PLD5: variants seen among roughly 807,000 people sequenced by gnomAD.
PLD5 encodes phospholipase D family member 5, also known as inactive phospholipase D5.
A neutral mutation model predicts 61.1 loss-of-function variants in PLD5; 36 were observed. That is an observed-to-expected ratio of 0.59 (90% CI 0.45 to 0.78). The LOEUF is 0.78. PLD5 is among the 30% of genes least tolerant of loss of function. The pLI is 0.00. For missense variants in PLD5, 515 were observed against 644.4 expected (o/e 0.80, Z 2.17); for synonymous variants, 243 against 242.8 (o/e 1.00, Z -0.01).
At chr1:242,439,435 A>C (rs1243929338) in intron 1 of PLD5, among the ~76,000 whole-genome samples, 1 of 152,218 alleles carries the variant, frequency 6.6e-6, no homozygotes, top group Non-Finnish European at 1.5e-5. Context: ...GAAGGAGCCC[A>C]CATCACTTCT....
intron 6 of PLD5, among the ~76,000 whole-genome samples, chr1:242,122,721 A>C (rs1662480593): frequency 1.3e-5 from 2 of 152,204 alleles, no homozygotes; most frequent in African/African-American, 4.8e-5. Context: ...CCAGCTGATG[A>C]ACATCCTTCA....
chr1:242,397,691 T>C (rs1663673627), intron 1 of PLD5, among the ~76,000 whole-genome samples: 1 of 152,168 alleles, frequency 6.6e-6, no homozygotes. Context: ...CTAGTTACTT[T>C]AAGACTATTC....
chr1:242,102,621 C>G (rs1390421615), intron 8 of PLD5, among the ~76,000 whole-genome samples: 2 of 152,158 alleles, frequency 1.3e-5, no homozygotes, highest in African/African-American at 4.8e-5. Context: ...GACAGAGATT[C>G]CCTACCTAGT....
At chr1:242,091,524 A>G (rs1280297220) in intron 9 of PLD5, among the ~76,000 whole-genome samples, 1 of 152,258 alleles carries the variant, frequency 6.6e-6, no homozygotes, top group Non-Finnish European at 1.5e-5. Context: ...ACAGTCCTAC[A>G]GCAGTGGAAA....
At chr1:242,214,459 C>T (rs965432452) in intron 5 of PLD5, among the ~76,000 whole-genome samples, 1 of 152,190 alleles carries the variant, frequency 6.6e-6, no homozygotes, top group Admixed American at 6.5e-5. Context: ...GATCAACGTA[C>T]ACATCCTGTT....
rs2149251972 is a variant in PLD5 at position 242,377,165 on chromosome 1, GT to G, written c.190-28924del. 4 of 1,611,730 alleles carry G rather than the reference GT, an allele frequency of 2.5e-6. No individual in the cohort carries two copies. The East Asian group carries it at 8.9e-5, about 36-fold the overall frequency. On this transcript the variant is annotated intron_variant, in intron 1 of 9. Coordinates refer to ENST00000536534, the MANE Select transcript of PLD5 (RefSeq NM_001372062.1). ...CCTTTAACTTGTGTACGATGAAGAG[GT>G]GTCTGGAGAGAGAGACGTGAGACGT...
intron 3 of PLD5, among the ~76,000 whole-genome samples, chr1:242,285,684 T>C (rs536405106): frequency 6.6e-5 from 10 of 151,620 alleles, no homozygotes; most frequent in Admixed American, 3.9e-4. Context: ...AAATAGAACA[T>C]GGAAAATACA....
chr1:242,374,774 T>C (rs773611248), intron 1 of PLD5, among the ~76,000 whole-genome samples: 1 of 152,222 alleles, frequency 6.6e-6, no homozygotes, highest in Admixed American at 6.5e-5. Flanking sequence ...ACCCTTTTTG[T>C]CTAATTATAT....
chr1:242,215,012 G>A (rs560811527), intron 5 of PLD5, among the ~76,000 whole-genome samples: 6 of 150,306 alleles, frequency 4.0e-5, no homozygotes, highest in Non-Finnish European at 7.4e-5. Flanking sequence ...GAGTAGCTGG[G>A]ACTACTTGTG....
At chr1:242,470,721 T>C (rs1381386846) in intron 1 of PLD5, among the ~76,000 whole-genome samples, 1 of 152,224 alleles carries the variant, frequency 6.6e-6, no homozygotes, top group East Asian at 1.9e-4. Context: ...AGCTTCGGTA[T>C]GGATAAAACT....
At chr1:242,264,774 G>A (rs1362865228) in intron 4 of PLD5, among the ~76,000 whole-genome samples, 4 of 151,936 alleles carry the variant, frequency 2.6e-5, no homozygotes, top group Admixed American at 6.6e-5. Context: ...AGCTCAATTC[G>A]GTTGACATTA....
intron 5 of PLD5, among the ~76,000 whole-genome samples, chr1:242,198,194 C>T (rs1049621334): frequency 2.6e-5 from 4 of 152,124 alleles, no homozygotes; most frequent in African/African-American, 7.2e-5. Context: ...TAGAGATGTT[C>T]CCTGCGGAAA....
At chr1:242,279,627 G>A (rs533982984) in intron 3 of PLD5, among the ~76,000 whole-genome samples, 3 of 151,966 alleles carry the variant, frequency 2.0e-5, no homozygotes, top group East Asian at 1.9e-4. Flanking sequence ...TCTGCCTCCC[G>A]GGTTCAAGCG....
At chr1:242,440,007 G>C (rs1389513689) in intron 1 of PLD5, among the ~76,000 whole-genome samples, 1 of 152,138 alleles carries the variant, frequency 6.6e-6, no homozygotes, top group Non-Finnish European at 1.5e-5. Context: ...AGTGTTGGGT[G>C]TTCTTGTATA....
At chr1:242,503,565 T>C (rs990103237) in intron 1 of PLD5, among the ~76,000 whole-genome samples, 1 of 152,176 alleles carries the variant, frequency 6.6e-6, no homozygotes, top group African/African-American at 2.4e-5. Flanking sequence ...CCAATTTTGA[T>C]AAGTTATAAG....
intron 1 of PLD5, among the ~76,000 whole-genome samples, chr1:242,468,820 T>C (rs150352778): frequency 6.6e-6 from 1 of 152,136 alleles, no homozygotes; most frequent in Admixed American, 6.6e-5. Flanking sequence ...CTTCCATAAT[T>C]CTTACTATGC....
chr1:242,306,414 A>T (rs1676350164), intron 2 of PLD5, among the ~76,000 whole-genome samples: 1 of 152,128 alleles, frequency 6.6e-6, no homozygotes, highest in South Asian at 2.1e-4. Flanking sequence ...TACTAAGCTT[A>T]TGATCAAGGA....
chr1:242,176,979 A>AGTGT (rs1667189791), intron 5 of PLD5, among the ~76,000 whole-genome samples: 1 of 152,182 alleles, frequency 6.6e-6, no homozygotes, highest in Non-Finnish European at 1.5e-5. Context: ...TGTTGGTGGG[A>AGTGT]GTGTAAATTA....
chr1:242,181,426 G>A (rs778128940), intron 5 of PLD5, among the ~76,000 whole-genome samples: 18 of 151,988 alleles, frequency 1.2e-4, no homozygotes, highest in Admixed American at 1.0e-3. Context: ...AAAATATATC[G>A]ATAATTTTTA....
Sources: allele counts gnomAD v4.1 joint callset (sites outside exome capture counted in the v4.1 genomes callset), GRCh38; gene constraint gnomAD v4.1.1; transcripts MANE v1.5; gene names NCBI Gene and HGNC (gene_info 2026-07-23, HGNC 2026-07-21).